TLCD4: variants seen among roughly 807,000 people sequenced by gnomAD.
The protein encoded by TLCD4 is TLC domain-containing protein 4.
Under a neutral mutation model 24.2 loss-of-function variants are expected in TLCD4, and 7 were observed. The ratio of observed to expected loss-of-function variants is 0.29; its 90% confidence interval spans 0.16 to 0.54. The LOEUF is 0.54. Among genes scored for constraint, TLCD4 ranks in the 20% least tolerant of loss-of-function variants. TLCD4 has a pLI of 0.95. For missense variants in TLCD4, 259 were observed against 313.9 expected (o/e 0.82, Z 1.32); for synonymous variants, 103 against 106.4 (o/e 0.97, Z 0.20).
rs575637589 is a variant in TLCD4 at position 95,192,546 on chromosome 1, A to G, written c.*678A>G. 2.0e-5 allele frequency: 3 copies of G among 152,338 alleles called. No homozygotes were observed. In the East Asian group the frequency reaches 5.8e-4, roughly 29 times the overall value. 9.4% of individuals were successfully genotyped at this position (152,338 alleles called of 1,614,324 possible). A position where few individuals can be genotyped will look rare whatever the true frequency, so the allele number is the denominator to read the frequency against. ...TCACCAATTTTGCTGCAAGAATGGG[A>G]ACTGCTTTTAAATCTGTAAATAGCT... is the stretch of plus-strand genomic sequence containing the variant. On this transcript the variant is annotated 3_prime_UTR_variant, in exon 7 of 7. Transcript: ENST00000370203.
At chr1:95,121,810 G>A (rs989508872) in intron 1 of TLCD4, among the ~76,000 whole-genome samples, 3 of 152,222 alleles carry the variant, frequency 2.0e-5, no homozygotes, top group Non-Finnish European at 2.9e-5. Context: ...GGGCTAGCCT[G>A]TCAGGACTTC....
intron 4 of TLCD4, 37 bp downstream of exon 4, chr1:95,150,303 A>T: frequency 1.2e-6 from 2 of 1,601,352 alleles, no homozygotes; most frequent in Non-Finnish European, 1.7e-6. Context: ...AATTCCTTGT[A>T]AACTACTCAC....
chr1:95,144,826 G>T (rs888633884), intron 2 of TLCD4, among the ~76,000 whole-genome samples: 12 of 152,030 alleles, frequency 7.9e-5, no homozygotes, highest in Non-Finnish European at 7.4e-5. Flanking sequence ...GAGTAGCTGG[G>T]ATTACAGGCA....
At chr1:95,153,360 C>T (rs991131811) in intron 5 of TLCD4, among the ~76,000 whole-genome samples, 2 of 152,010 alleles carry the variant, frequency 1.3e-5, no homozygotes, top group Non-Finnish European at 2.9e-5. Context: ...ATAACTGAAA[C>T]AAAGTTAGGA....
chr1:95,134,250 C>A (rs1676986312), intron 1 of TLCD4, among the ~76,000 whole-genome samples: 1 of 152,012 alleles, frequency 6.6e-6, no homozygotes, highest in Non-Finnish European at 1.5e-5. Context: ...GGCTTGACGA[C>A]ATCAGTGAGC....
At chr1:95,189,517 A>G (rs1678952940) in intron 6 of TLCD4, among the ~76,000 whole-genome samples, 1 of 152,070 alleles carries the variant, frequency 6.6e-6, no homozygotes, top group Non-Finnish European at 1.5e-5. Flanking sequence ...GAACAGTTTC[A>G]CCACCCTAAA....
At chr1:95,104,085 C>A in the TLCD4 span, among the ~76,000 whole-genome samples, 1 of 152,206 alleles carries the variant, frequency 6.6e-6, no homozygotes, top group South Asian at 2.1e-4. Context: ...CTTTACATCA[C>A]TTGGCTGTAT....
At position 95,143,122 on chromosome 1, in the gene TLCD4, A is replaced by G. The variant is rs905712783; in HGVS notation, c.-11-769A>G. 4.6e-5 allele frequency among the ~76,000 whole-genome samples: 7 copies of G among 152,126 alleles called. No homozygotes were observed. The East Asian group carries it at 5.8e-4, about 13-fold the overall frequency. On this transcript the variant is annotated intron_variant, in intron 1 of 6. Transcript: ENST00000370203. ...AACGTCTGATTGGTTGCGGAAAGCA[A>G]CCAATCAGAGGTACTTTCAGTTTTC...
intron 6 of TLCD4, among the ~76,000 whole-genome samples, chr1:95,181,653 G>A (rs547003086): frequency 2.6e-5 from 4 of 151,374 alleles, no homozygotes; most frequent in African/African-American, 4.9e-5. Context: ...CTGGAGTGCC[G>A]TGGTGCGATC....
In TLCD4 at chr1:95,141,365, G is replaced by C. The variant is rs1557682445; in HGVS notation, c.-11-2526G>C. Among the ~76,000 whole-genome samples, 2 of 152,078 alleles carry C rather than the reference G, an allele frequency of 1.3e-5. 1 individual carries two copies. Among genetic ancestry groups the C allele is most frequent in the Middle Eastern group, 6.3e-3 (2 of 316 alleles). ...TTAACATTCATGAAATAAATGCTTT[G>C]TATACATTGAATTTTAACAAACTAA... On this transcript the variant is annotated intron_variant, in intron 1 of 6. Transcript: ENST00000370203.
rs866140202 is a variant in TLCD4, at chr1:95,126,129, T to A, written c.-12+8512T>A. Among the ~76,000 whole-genome samples, 650 of 129,496 alleles carry A rather than the reference T, an allele frequency of 5.0e-3. 2 individuals are homozygous for A. The highest frequency in any genetic ancestry group is 0.011 in the African/African-American group (398 of 35,274). 85.0% of individuals were successfully genotyped at this position (129,496 alleles called of 152,430 possible). A position where few individuals can be genotyped will look rare whatever the true frequency, so the allele number is the denominator to read the frequency against. On this transcript the variant is annotated intron_variant, in intron 1 of 6. Coordinates refer to ENST00000370203, the MANE Select transcript of TLCD4 (RefSeq NM_152487.3). ...CAACATAGCGAGACGCCATCACTAT[T>A]AAAAAAAAAAAAAGAGGCCAAGCGC... is the stretch of plus-strand genomic sequence containing the variant.
At chr1:95,097,073 T>TC in the TLCD4 span, among the ~76,000 whole-genome samples, 29,628 of 152,144 alleles carry the variant, frequency 0.19, 3,189 homozygotes, top group East Asian at 0.47. Flanking sequence ...TTCTTTTTCT[T>TC]CCCCTTAAAA....
chr1:95,139,476 T>TTC, intron 1 of TLCD4, among the ~76,000 whole-genome samples: 1 of 146,614 alleles, frequency 6.8e-6, no homozygotes, highest in South Asian at 2.2e-4. Context: ...TTTTTTTTTT[T>TTC]TGAGACAGTT....
intron 6 of TLCD4, among the ~76,000 whole-genome samples, chr1:95,179,631 G>T (rs1343066215): frequency 6.6e-6 from 1 of 151,990 alleles, no homozygotes; most frequent in Admixed American, 6.6e-5. Flanking sequence ...GAAATATATG[G>T]CTTTGTAGGA....
intron 1 of TLCD4, among the ~76,000 whole-genome samples, chr1:95,135,515 G>A (rs2027198): frequency 0.011 from 1,598 of 150,564 alleles, 28 homozygotes; most frequent in African/African-American, 0.038. Flanking sequence ...TTGTGCCTTA[G>A]CCCCCTCAAG....
At chr1:95,167,456 T>TG (rs751465339) in intron 5 of TLCD4, among the ~76,000 whole-genome samples, 12 of 152,120 alleles carry the variant, frequency 7.9e-5, no homozygotes, top group Non-Finnish European at 1.3e-4. Flanking sequence ...TGCTGAGTGT[T>TG]GGGAGAGAAG....
chr1:95,156,548 T>C (rs1314650251), intron 5 of TLCD4, among the ~76,000 whole-genome samples: 18 of 152,118 alleles, frequency 1.2e-4, no homozygotes, highest in Admixed American at 1.2e-3. Flanking sequence ...ATAAAGCTGA[T>C]GATGATATGC....
intron 6 of TLCD4, 87 bp from the exon 7 acceptor site, chr1:95,191,463 G>GA: frequency 1.3e-6 from 2 of 1,482,954 alleles, no homozygotes; most frequent in Non-Finnish European, 9.0e-7. Flanking sequence ...CTCCTTCACT[G>GA]AATTTTAAAA....
intron 5 of TLCD4, among the ~76,000 whole-genome samples, chr1:95,158,416 C>T (rs1677691158): frequency 6.6e-6 from 1 of 151,988 alleles, no homozygotes; most frequent in African/African-American, 2.4e-5. Context: ...CTGCTGGGCT[C>T]AAGTGATCCT....
Sources: gnomAD v4.1 joint callset for allele counts (sites outside exome capture counted in the v4.1 genomes callset) on GRCh38, gnomAD v4.1.1 for gene constraint, MANE v1.5 for transcripts, NCBI Gene and HGNC (gene_info 2026-07-23, HGNC 2026-07-21) for gene names.